Variants in ZNF182 observed in about 807,000 individuals in gnomAD.
ZNF182 encodes zinc finger protein 21 (KOX 14).
A neutral mutation model predicts 28.1 loss-of-function variants in ZNF182; 10 were observed. That is an observed-to-expected ratio of 0.36 (90% CI 0.22 to 0.60). ZNF182 has a LOEUF of 0.60. ZNF182 is among the 20% of genes least tolerant of loss of function. The pLI is 0.75. For missense variants in ZNF182, 352 were observed against 453.2 expected, an observed-to-expected ratio of 0.78 and a Z score of 2.03; for synonymous variants, 156 against 158.7, an observed-to-expected ratio of 0.98 and a Z score of 0.13.
rs1387240101 is a variant in ZNF182, at chrX:48,002,002, A to G, written c.15+593T>C. ...TAAAAAATAAAAATGTTTAAAGTGA[A>G]AGAAAAAATATGGTGGGCTGCAGGT... On this transcript the variant is annotated intron_variant, in intron 3 of 5. Transcript: ENST00000376943. Among the ~76,000 whole-genome samples the G allele has an allele frequency of 3.6e-5, 4 of 112,237 alleles. No homozygotes were observed. The Admixed American group carries it at 3.8e-4, about 11-fold the overall frequency.
Position 47,976,267 on chromosome X carries a change from A to T in ZNF182, c.1763T>A (p.Phe588Tyr), listed in dbSNP as rs1556898074. ...TACAATAAGGTTTGATTTTTGGGTA[A>T]AGGCTTTCCCACATTCTGTACATTT... ...PYKCTECGKA[F>Y]TQKSNLIVHQ... Residue 588 changes from phenylalanine (F) to tyrosine (Y), a missense_variant, in exon 6 of 6, where the codon TTT becomes TAT. Physicochemically the swap from Phe to Tyr is conservative, Grantham distance 22 (BLOSUM62 3). Transcript: ENST00000376943. 8.3e-7 allele frequency: 1 copy of T among 1,204,217 alleles called. No individual in the cohort carries two copies.
At chrX:47,993,829 T>A (rs1056232511) in intron 3 of ZNF182, among the ~76,000 whole-genome samples, 2 of 109,933 alleles carry the variant, frequency 1.8e-5, no homozygotes, top group Non-Finnish European at 3.8e-5. Context: ...ATTTACTCAA[T>A]CTGAAAAACA....
chrX:47,992,002 C>T (rs1468265509), intron 3 of ZNF182, among the ~76,000 whole-genome samples: 1 of 111,688 alleles, frequency 9.0e-6, no homozygotes, highest in Non-Finnish European at 1.9e-5. Context: ...GACTTCCTTC[C>T]CCTATCTAGA....
chrX:47,988,338 A>G (rs2058929882), intron 3 of ZNF182, among the ~76,000 whole-genome samples: 1 of 110,292 alleles, frequency 9.1e-6, no homozygotes, highest in African/African-American at 3.3e-5. Context: ...TATGATCCCC[A>G]GTGTTAAAGG....
chrX:47,994,189 AC>A (rs1364937032), intron 3 of ZNF182, among the ~76,000 whole-genome samples: 2 of 112,449 alleles, frequency 1.8e-5, no homozygotes, highest in African/African-American at 3.2e-5. Context: ...CAACAAAAAA[AC>A]AATTTGAATG....
At chrX:47,977,956 G>A (rs782124822) in intron 5 of ZNF182, among the ~76,000 whole-genome samples, 159 bp from the exon 6 acceptor site, 17 of 111,738 alleles carry the variant, frequency 1.5e-4, no homozygotes, top group Non-Finnish European at 3.2e-4. Flanking sequence ...TGGTCTTTTT[G>A]TTACCAAGAA....
intron 5 of ZNF182, among the ~76,000 whole-genome samples, chrX:47,979,869 G>GTGTGTA (rs1419549401): frequency 3.7e-5 from 2 of 53,497 alleles, no homozygotes; most frequent in Non-Finnish European, 8.2e-5. Context: ...TGTGTGGGGT[G>GTGTGTA]TGTGTGTGTG....
intron 2 of ZNF182, 111 bp downstream of exon 2, chrX:48,003,397 T>G (rs2146478526): frequency 8.9e-6 from 1 of 112,668 alleles, no homozygotes; most frequent in Non-Finnish European, 1.9e-5. Flanking sequence ...AATTACATTT[T>G]ACCCCCATCT....
chrX:47,987,778 A>C (rs2058927982), intron 3 of ZNF182, among the ~76,000 whole-genome samples: 1 of 112,299 alleles, frequency 8.9e-6, no homozygotes, highest in Non-Finnish European at 1.9e-5. Context: ...CCCCAGCAGC[A>C]ATGAGCACAG....
intron 2 of ZNF182, among the ~76,000 whole-genome samples, chrX:48,003,246 T>G (rs1239515131): frequency 8.9e-6 from 1 of 112,700 alleles, no homozygotes. Flanking sequence ...ACACCAAAAA[T>G]GTCTAAAAAC....
intron 5 of ZNF182, among the ~76,000 whole-genome samples, chrX:47,979,429 G>C (rs984943883): frequency 1.1e-4 from 12 of 111,117 alleles, no homozygotes; most frequent in African/African-American, 3.9e-4. Flanking sequence ...AGGGTCCTGG[G>C]CTCTCTAGCC....
intron 3 of ZNF182, among the ~76,000 whole-genome samples, chrX:48,001,585 G>A (rs1046484209): frequency 8.9e-6 from 1 of 111,763 alleles, no homozygotes; most frequent in Non-Finnish European, 1.9e-5. Context: ...GACAATTTGA[G>A]GGATCCTTGC....
At chrX:47,981,401 AC>A (rs1218016221) in intron 5 of ZNF182, among the ~76,000 whole-genome samples, 1 of 112,457 alleles carries the variant, frequency 8.9e-6, no homozygotes, top group Non-Finnish European at 1.9e-5. Context: ...ATGGATTAAA[AC>A]ATAGAAATGT....
At position 47,977,166 on chromosome X, in the gene ZNF182, T is replaced by C; in HGVS notation, c.864A>G (p.Ile288Met). Residue 288 changes from isoleucine to methionine, a missense_variant, in exon 6 of 6, where the codon ATA (isoleucine) becomes ATG (methionine). Transcript: ENST00000376943. ...TTTCTCCTGTGTGAGTCCTGTAATGTATGATGACAGTTGACTTTTCTCTGA... is the reference window on the plus strand; with the variant it reads ...TTTCTCCTGTGTGAGTCCTGTAATGCATGATGACAGTTGACTTTTCTCTGA... ...KAFREKSTVI[I>M]HYRTHTGEKP... 8.3e-7 allele frequency: 1 copy of C among 1,208,516 alleles called. No homozygotes were observed. The highest frequency in any genetic ancestry group is 3.0e-5 in the East Asian group (1 of 33,827).
chrX:47,997,785 C>T (rs781949112), intron 3 of ZNF182, among the ~76,000 whole-genome samples: 73 of 110,776 alleles, frequency 6.6e-4, no homozygotes, highest in Non-Finnish European at 1.2e-3. Flanking sequence ...GAGCAAGACT[C>T]CATCTCAAAA....
At chrX:47,994,742 G>A (rs916249566) in intron 3 of ZNF182, among the ~76,000 whole-genome samples, 8 of 110,943 alleles carry the variant, frequency 7.2e-5, no homozygotes, top group African/African-American at 2.3e-4. Flanking sequence ...AGGTTCAAGC[G>A]ATTCTCCCAC....
At chrX:47,989,771 C>A (rs2058935355) in intron 3 of ZNF182, among the ~76,000 whole-genome samples, 1 of 112,114 alleles carries the variant, frequency 8.9e-6, no homozygotes, top group Non-Finnish European at 1.9e-5. Flanking sequence ...CTGGCTAAAA[C>A]TCTATGTGTG....
chrX:47,988,336 C>T (rs957529934), intron 3 of ZNF182, among the ~76,000 whole-genome samples: 1 of 110,524 alleles, frequency 9.0e-6, no homozygotes, highest in Non-Finnish European at 1.9e-5. Context: ...AATATGATCC[C>T]CAGTGTTAAA....
At chrX:47,998,803 G>A (rs1298086102) in intron 3 of ZNF182, among the ~76,000 whole-genome samples, 2 of 104,708 alleles carry the variant, frequency 1.9e-5, no homozygotes, top group African/African-American at 7.1e-5. Flanking sequence ...AGGTTGCAGT[G>A]AGCCGAGATC....
Sources: gnomAD v4.1 joint callset for allele counts (sites outside exome capture counted in the v4.1 genomes callset) on GRCh38, gnomAD v4.1.1 for gene constraint, MANE v1.5 for transcripts, NCBI Gene and HGNC (gene_info 2026-07-23, HGNC 2026-07-21) for gene names.